ITGA4: variants seen among roughly 807,000 people sequenced by gnomAD.
ITGA4 encodes the protein integrin alpha-4.
Under a neutral mutation model 133.6 loss-of-function variants are expected in ITGA4, and 63 were observed. The observed-to-expected ratio is 0.47, with a 90% CI of 0.38 to 0.58. The LOEUF is 0.58. ITGA4 is among the 20% of genes least tolerant of loss of function. The probability of loss-of-function intolerance (pLI) is 0.00; values close to 1 mark genes in which losing one functional copy is unlikely to be tolerated. For synonymous variants in ITGA4, 483 were observed against 438.0 expected, an observed-to-expected ratio of 1.10 and a Z score of -1.28; for missense variants, 1,076 against 1,252.7, an observed-to-expected ratio of 0.86 and a Z score of 2.13.
intron 15 of ITGA4, among the ~76,000 whole-genome samples, chr2:181,508,769 T>A (rs991543984): frequency 6.6e-6 from 1 of 152,134 alleles, no homozygotes; most frequent in East Asian, 1.9e-4. Flanking sequence ...GACCAGTGTA[T>A]ACAATTAGAT....
intron 2 of ITGA4, among the ~76,000 whole-genome samples, chr2:181,465,887 T>C (rs563324162): frequency 1.3e-5 from 2 of 152,162 alleles, no homozygotes; most frequent in South Asian, 2.1e-4. Context: ...TCCATAAAAT[T>C]GGGATGATAA....
intron 17 of ITGA4, 24 bp from the exon 18 acceptor site, chr2:181,522,167 T>C: frequency 1.4e-6 from 2 of 1,453,736 alleles, no homozygotes; most frequent in Non-Finnish European, 1.9e-6. Context: ...AAACAAGAAC[T>C]AAATAATATT....
At chr2:181,479,542 C>T (rs1267996441) in intron 5 of ITGA4, 2 of 151,854 alleles carry the variant, frequency 1.3e-5, no homozygotes, top group Non-Finnish European at 2.9e-5. Context: ...TAGAAATATG[C>T]TAAAGATATT....
At chr2:181,471,817 C>G (rs750226455) in intron 2 of ITGA4, among the ~76,000 whole-genome samples, 1 of 152,174 alleles carries the variant, frequency 6.6e-6, no homozygotes, top group Non-Finnish European at 1.5e-5. Flanking sequence ...CTTAAGTAAA[C>G]ATCTCTTTCT....
chr2:181,474,009 C>G lies in ITGA4; in HGVS notation c.320-951C>G, dbSNP rs116602660. On this transcript the variant is annotated intron_variant, in intron 2 of 27. Transcript: ENST00000397033. Reference sequence around the variant, plus strand: ...ACATCCTTATCCAATCAAATTGATGCTAATGTATTTATCTGCCAGGAATTA... The same window carrying G: ...ACATCCTTATCCAATCAAATTGATGGTAATGTATTTATCTGCCAGGAATTA... Among the ~76,000 whole-genome samples, 1,193 of 152,216 alleles carry G rather than the reference C, an allele frequency of 7.8e-3. 15 individuals are homozygous for G. Among genetic ancestry groups the G allele is most frequent in the African/African-American group, 0.026 (1,091 of 41,520 alleles).
rs1041987805 is a variant in ITGA4 at position 181,536,456 on chromosome 2, A to AG, written c.*934dup. Among the ~76,000 whole-genome samples the AG allele has an allele frequency of 2.0e-5, 3 of 152,120 alleles. No individual in the cohort carries two copies. The highest frequency in any genetic ancestry group is 2.9e-5 in the Non-Finnish European group (2 of 67,992). On this transcript the variant is annotated 3_prime_UTR_variant, in exon 28 of 28. Coordinates refer to ENST00000397033, the MANE Select transcript of ITGA4 (RefSeq NM_000885.6). ...TTAAAATCAAAGCTGTGCAAAGACT[A>AG]GGGGGCCTATACTTCATATGTATTA...
chr2:181,500,624 C>T (rs1268354484), intron 15 of ITGA4, among the ~76,000 whole-genome samples: 1 of 152,118 alleles, frequency 6.6e-6, no homozygotes, highest in Admixed American at 6.6e-5. Flanking sequence ...GCATTCCTTA[C>T]AATGAAATGA....
At chr2:181,465,098 T>C (rs1269217642) in intron 2 of ITGA4, among the ~76,000 whole-genome samples, 1 of 152,158 alleles carries the variant, frequency 6.6e-6, no homozygotes, top group Admixed American at 6.5e-5. Flanking sequence ...ATGCCCTGTG[T>C]AGAAAATGCT....
intron 3 of ITGA4, 21 bp from the exon 4 acceptor site, chr2:181,475,138 G>T: frequency 6.2e-7 from 1 of 1,613,412 alleles, no homozygotes; most frequent in South Asian, 1.1e-5. Flanking sequence ...ACATCATTTG[G>T]TCTACTTTTA....
intron 17 of ITGA4, 86 bp from the exon 18 acceptor site, chr2:181,522,105 T>C (rs1686732792): frequency 1.5e-6 from 1 of 687,396 alleles, no homozygotes; most frequent in Non-Finnish European, 2.3e-6. Context: ...TCAGCATAAA[T>C]TATATACATA....
At chr2:181,527,195 T>C in intron 21 of ITGA4, 102 bp from the exon 22 acceptor site, 2 of 651,570 alleles carry the variant, frequency 3.1e-6, no homozygotes, top group South Asian at 3.8e-5. Flanking sequence ...AAGTATTCCA[T>C]GGTGACTTGT....
rs1442486504 is a variant in ITGA4 at position 181,495,327 on chromosome 2, T to C, written c.1340-44T>C. ...TTTATGGCTGAAAAATAATTCTCTT[T>C]GACTAATGATGATCATTAATCTGTG... On this transcript the variant is annotated intron_variant, in intron 12 of 27. Coordinates refer to ENST00000397033, the MANE Select transcript of ITGA4 (RefSeq NM_000885.6). This position sits in a 1 kb window ranked among gnomAD's most constrained non-coding sequence, Gnocchi z 4.3. 2 of 1,467,678 alleles carry C rather than the reference T, an allele frequency of 1.4e-6. No homozygotes were observed. The highest frequency in any genetic ancestry group is 1.7e-5 in the Admixed American group (1 of 59,388). 90.9% of individuals were successfully genotyped at this position (1,467,678 alleles called of 1,614,324 possible). A position where few individuals can be genotyped will look rare whatever the true frequency, so the allele number is the denominator to read the frequency against.
intron 2 of ITGA4, among the ~76,000 whole-genome samples, chr2:181,462,339 C>T (rs1195969150): frequency 1.3e-5 from 2 of 152,144 alleles, no homozygotes; most frequent in Non-Finnish European, 1.5e-5. Context: ...AATTTTATTA[C>T]CTTAGCCAGC....
Position 181,478,617 on chromosome 2 carries a change from A to G in ITGA4, c.557-140A>G, listed in dbSNP as rs939582705. 7.1e-6 allele frequency: 3 copies of G among 424,280 alleles called. No homozygotes were observed. The South Asian group carries it at 2.1e-4, about 30-fold the overall frequency. The allele number at this position is 424,280 out of a possible 1,614,324, so 26.3% of individuals were successfully genotyped here. A position where few individuals can be genotyped will look rare whatever the true frequency, so the allele number is the denominator to read the frequency against. Reference sequence around the variant, plus strand: ...AATACTAATATGGAAGGGATTTGTTATATCAAGGTTACTGGTTTTTATTTT... The same window carrying G: ...AATACTAATATGGAAGGGATTTGTTGTATCAAGGTTACTGGTTTTTATTTT... On this transcript the variant is annotated intron_variant, in intron 4 of 27. Coordinates refer to ENST00000397033, the MANE Select transcript of ITGA4 (RefSeq NM_000885.6).
chr2:181,503,326 T>A (rs1388108506), intron 15 of ITGA4, among the ~76,000 whole-genome samples: 1 of 152,150 alleles, frequency 6.6e-6, no homozygotes, highest in Non-Finnish European at 1.5e-5. Flanking sequence ...TTTAGTTTTA[T>A]GCTAGATCTT....
intron 27 of ITGA4, 105 bp from the exon 28 acceptor site, chr2:181,535,327 A>G: frequency 1.2e-6 from 1 of 834,570 alleles, no homozygotes; most frequent in Non-Finnish European, 1.8e-6. Context: ...CAAGGGATGC[A>G]GTTTAAGAAA....
chr2:181,485,109 C>G (rs1685884397), intron 9 of ITGA4, among the ~76,000 whole-genome samples: 1 of 152,224 alleles, frequency 6.6e-6, no homozygotes, highest in Non-Finnish European at 1.5e-5. Flanking sequence ...CTATGCTCCA[C>G]TGCTGCTGGT....
At chr2:181,471,103 G>T (rs748817914) in intron 2 of ITGA4, among the ~76,000 whole-genome samples, 8 of 152,126 alleles carry the variant, frequency 5.3e-5, no homozygotes, top group South Asian at 2.1e-4. Context: ...ATTAAGATTG[G>T]TTTTTCTTCT....
chr2:181,495,851 A>T lies in ITGA4; in HGVS notation c.1454A>T (p.Asp485Val). The change falls in exon 14 of 28, where the codon GAC (aspartate) becomes GTC (valine). Residue 485 changes from aspartate (D) to valine (V), a missense_variant. Asp to Val is a radical substitution (Grantham distance 152). Around this residue, in one of 4 missense-constraint regions of ITGA4, gnomAD observed 436 missense variants for 590.7 expected, o/e 0.74. Transcript: ENST00000397033. The surrounding 1 kb of genome is among the most constrained non-coding windows in gnomAD (Gnocchi z 4.3). ...HPESVNRTKF[D>V]CVENGWPSVC... is the part of the protein sequence containing the mutation. ...GAGTCAGTAAATAGAACGAAATTTG[A>T]CTGTGTTGAAAATGGATGGCCTTCT... The T allele has an allele frequency of 1.2e-6, 2 of 1,613,928 alleles. No homozygotes were observed. Among genetic ancestry groups the T allele is most frequent in the Non-Finnish European group, 1.7e-6 (2 of 1,179,820 alleles).
Sources: allele counts gnomAD v4.1 joint callset (sites outside exome capture counted in the v4.1 genomes callset), GRCh38; gene constraint gnomAD v4.1.1; regional missense constraint gnomAD v4.1.1; non-coding constraint Gnocchi (gnomAD v3.1); transcripts MANE v1.5; gene names NCBI Gene and HGNC (gene_info 2026-07-23, HGNC 2026-07-21).